THSD7B: variants seen among roughly 807,000 people sequenced by gnomAD.
THSD7B encodes the protein thrombospondin type-1 domain-containing protein 7B.
In THSD7B, 138 loss-of-function variants were observed where a neutral mutation model predicts 213.6. That is an observed-to-expected ratio of 0.65 (90% CI 0.56 to 0.74). The LOEUF (loss-of-function observed/expected upper bound fraction) is 0.74, where lower values mean the gene tolerates loss of function less well. Ranked by LOEUF, THSD7B falls within the 30% of genes least tolerant of loss-of-function variation. The probability of loss-of-function intolerance (pLI) is 0.00; values close to 1 mark genes in which losing one functional copy is unlikely to be tolerated. For missense variants in THSD7B, 1,931 were observed against 1,991.5 expected (o/e 0.97, Z 0.58); for synonymous variants, 742 against 687.0 (o/e 1.08, Z -1.25).
At chr2:137,202,783 C>T (rs1298779554) in intron 7 of THSD7B, among the ~76,000 whole-genome samples, 3 of 152,100 alleles carry the variant, frequency 2.0e-5, no homozygotes, top group African/African-American at 2.4e-5. Flanking sequence ...TCAAGTCTCT[C>T]CAATTACATC....
intron 16 of THSD7B, among the ~76,000 whole-genome samples, chr2:137,570,498 C>T (rs1327331671): frequency 6.6e-6 from 1 of 151,924 alleles, no homozygotes; most frequent in Non-Finnish European, 1.5e-5. Flanking sequence ...TTAGTAGAGA[C>T]AGGGTTTCAC....
At chr2:137,553,638 G>C (rs552860216) in intron 15 of THSD7B, among the ~76,000 whole-genome samples, 1 of 152,180 alleles carries the variant, frequency 6.6e-6, no homozygotes, top group Non-Finnish European at 1.5e-5. Flanking sequence ...GGACTTTTCA[G>C]TGGCATTTTT....
intron 20 of THSD7B, among the ~76,000 whole-genome samples, chr2:137,635,956 C>A (rs1222715399): frequency 1.3e-5 from 2 of 152,128 alleles, no homozygotes. Flanking sequence ...GCCCGTCTTG[C>A]ATCCCAAACT....
At chr2:136,874,976 C>A (rs1008922376) in intron 1 of THSD7B, among the ~76,000 whole-genome samples, 7 of 152,032 alleles carry the variant, frequency 4.6e-5, no homozygotes, top group African/African-American at 7.2e-5. Flanking sequence ...CTTGTCCTCT[C>A]ATTTTGTTTA....
At chr2:137,006,027 C>T (rs189762040) in intron 2 of THSD7B, among the ~76,000 whole-genome samples, 3 of 152,220 alleles carry the variant, frequency 2.0e-5, no homozygotes, top group Admixed American at 2.0e-4. Context: ...CATTTTCACA[C>T]CTTTAAATAC....
chr2:137,323,208 G>A (rs1040034538), intron 12 of THSD7B, among the ~76,000 whole-genome samples: 1 of 152,160 alleles, frequency 6.6e-6, no homozygotes, highest in African/African-American at 2.4e-5. Context: ...AAATGGAAGA[G>A]TATAAAGACA....
At chr2:137,646,943 T>C (rs193239822) in intron 21 of THSD7B, among the ~76,000 whole-genome samples, 1 of 152,278 alleles carries the variant, frequency 6.6e-6, no homozygotes, top group Non-Finnish European at 1.5e-5. Context: ...TTGCCCTTTT[T>C]CTTTTGTGCC....
intron 17 of THSD7B, among the ~76,000 whole-genome samples, chr2:137,611,850 G>A (rs1399042547): frequency 3.9e-5 from 6 of 152,118 alleles, no homozygotes; most frequent in African/African-American, 1.4e-4. Flanking sequence ...GTAATTGTAA[G>A]TCTTTTGGGG....
chr2:137,509,324 CTT>C (rs1679910554), intron 15 of THSD7B, among the ~76,000 whole-genome samples: 1 of 144,286 alleles, frequency 6.9e-6, no homozygotes, highest in African/African-American at 2.6e-5. Flanking sequence ...TTTCTTTTCT[CTT>C]TCTTTCTTTC....
chr2:137,380,816 T>C (rs1043959718), intron 12 of THSD7B, among the ~76,000 whole-genome samples: 8 of 152,250 alleles, frequency 5.3e-5, no homozygotes, highest in African/African-American at 1.9e-4. Flanking sequence ...CCACACATTA[T>C]GTAACCACAC....
intron 9 of THSD7B, 108 bp downstream of exon 9, chr2:137,233,241 A>G (rs71419534): frequency 0.06 from 62,124 of 1,037,116 alleles, 2,206 homozygotes; most frequent in Admixed American, 0.088. Flanking sequence ...TGATAGAGTA[A>G]GAGGGTTTGT....
intron 1 of THSD7B, among the ~76,000 whole-genome samples, chr2:136,799,488 C>T (rs1475384854): frequency 6.6e-6 from 1 of 151,928 alleles, no homozygotes; most frequent in Non-Finnish European, 1.5e-5. Context: ...GCATCCTAAG[C>T]ATGTCTATAC....
In THSD7B at chr2:137,124,827, T is replaced by C. The variant is rs146073082; in HGVS notation, c.1369+9534T>C. Among the ~76,000 whole-genome samples, 282 of 152,332 alleles carry C rather than the reference T, an allele frequency of 1.9e-3. 1 individual carries two copies. Among genetic ancestry groups the C allele is most frequent in the African/African-American group, 6.1e-3 (255 of 41,578 alleles). ...TGAGTAAATAAAGCTATTTAACATA[T>C]GCATTGCCTCACATACTTACCATCT... On this transcript the variant is annotated intron_variant, in intron 5 of 27. Transcript: ENST00000409968.
At chr2:137,595,203 C>T (rs184095642) in intron 17 of THSD7B, among the ~76,000 whole-genome samples, 368 of 152,022 alleles carry the variant, frequency 2.4e-3, no homozygotes, top group African/African-American at 8.6e-3. Flanking sequence ...CCAATTCTCC[C>T]CTTTGTTGCA....
chr2:136,774,967 TG>T lies in THSD7B; in HGVS notation c.-36+9281del, dbSNP rs568933789. ...ATGAATAAATTCAAAGAGTATTTAT[TG>T]TGCACCTGCTGTGTCCGTGACATAG... On this transcript the variant is annotated intron_variant, in intron 1 of 27. Coordinates refer to ENST00000409968, the MANE Select transcript of THSD7B (RefSeq NM_001316349.2). 3.5e-3 allele frequency among the ~76,000 whole-genome samples: 536 copies of T among 152,240 alleles called. 1 individual carries two copies. The highest frequency in any genetic ancestry group is 0.012 in the African/African-American group (509 of 41,568).
intron 17 of THSD7B, among the ~76,000 whole-genome samples, chr2:137,599,717 C>T (rs1297869810): frequency 6.6e-6 from 1 of 152,168 alleles, no homozygotes; most frequent in East Asian, 1.9e-4. Flanking sequence ...TTCTTTCCTC[C>T]CTTCTTGTAT....
At chr2:137,563,125 C>G (rs995077395) in intron 15 of THSD7B, 96 bp from the exon 16 acceptor site, 1 of 1,361,224 alleles carries the variant, frequency 7.3e-7, no homozygotes, top group Admixed American at 2.5e-5. Flanking sequence ...AGTGCAGTTT[C>G]TTGGGTTATG....
At chr2:136,954,740 T>TAAAAAAAAAAAAAAAAG (rs773677139) in intron 2 of THSD7B, among the ~76,000 whole-genome samples, 6 of 137,494 alleles carry the variant, frequency 4.4e-5, no homozygotes, top group East Asian at 2.1e-4. Flanking sequence ...AAAAAGAAAT[T>TAAAAAAAAAAAAAAAAG]ACATAAGAGC....
chr2:136,789,101 G>A (rs1681917034), intron 1 of THSD7B, among the ~76,000 whole-genome samples: 1 of 152,042 alleles, frequency 6.6e-6, no homozygotes, highest in African/African-American at 2.4e-5. Flanking sequence ...GGAGATGTAA[G>A]GATGTTTAAA....
Sources: allele counts gnomAD v4.1 joint callset (sites outside exome capture counted in the v4.1 genomes callset), GRCh38; gene constraint gnomAD v4.1.1; transcripts MANE v1.5; gene names NCBI Gene and HGNC (gene_info 2026-07-23, HGNC 2026-07-21).